Variants in CSMD2 observed in about 807,000 individuals in gnomAD.
CSMD2 encodes CUB and Sushi multiple domains 2, also known as CUB and sushi domain-containing protein 2.
In CSMD2, 130 loss-of-function variants were observed where a neutral mutation model predicts 398.5. That is an observed-to-expected ratio of 0.33 (90% CI 0.28 to 0.38). The LOEUF is 0.38. Ranked by LOEUF, CSMD2 falls within the 10% of genes least tolerant of loss-of-function variation. The pLI, the probability that CSMD2 is intolerant of heterozygous loss-of-function variation, is 1.00. For synonymous variants in CSMD2, 1,828 were observed against 1,908.5 expected (o/e 0.96, Z 1.10); for missense variants, 3,829 against 4,764.9 (o/e 0.80, Z 5.78).
chr1:33,642,447 G>C (rs1013105615), intron 29 of CSMD2, among the ~76,000 whole-genome samples: 1 of 151,970 alleles, frequency 6.6e-6, no homozygotes, highest in African/African-American at 2.4e-5. Flanking sequence ...CAGGAGAATG[G>C]AAAAGCAAGG....
chr1:34,133,828 T>C (rs924437605), intron 1 of CSMD2, among the ~76,000 whole-genome samples: 20 of 151,988 alleles, frequency 1.3e-4, no homozygotes, highest in Middle Eastern at 3.4e-3. Flanking sequence ...CCCAGCACTT[T>C]GGGAGGCCGA....
At chr1:34,112,982 C>A (rs1165772198) in intron 1 of CSMD2, 1 of 152,270 alleles carries the variant, frequency 6.6e-6, no homozygotes, top group East Asian at 1.9e-4. Flanking sequence ...CGTGCCTGAT[C>A]TTGTCTGATC....
intron 4 of CSMD2, among the ~76,000 whole-genome samples, chr1:33,934,469 T>C (rs1222592277): frequency 6.6e-6 from 1 of 152,220 alleles, no homozygotes; most frequent in Non-Finnish European, 1.5e-5. Context: ...TTCAAGATGC[T>C]GGGCTATGTT....
intron 23 of CSMD2, among the ~76,000 whole-genome samples, chr1:33,699,534 C>T (rs1322912172): frequency 6.6e-6 from 1 of 152,192 alleles, no homozygotes; most frequent in Admixed American, 6.5e-5. Context: ...ACAATTTTCA[C>T]ATGATAGAAG....
rs1157726166 is a variant in CSMD2, at chr1:33,624,867, C to A, written c.5500+184G>T. ...CACGTGTGCCCCGTCCCCAGTACAC[C>A]GGCTGTCTTCACACAGCCCACAGCG... On this transcript the variant is annotated intron_variant, in intron 34 of 70. Transcript: ENST00000373381. This position sits in a 1 kb window ranked among gnomAD's most constrained non-coding sequence, Gnocchi z 4.7. Among the ~76,000 whole-genome samples, 1 of 152,176 alleles carries A rather than the reference C, an allele frequency of 6.6e-6. No individual in the cohort carries two copies. The highest frequency in any genetic ancestry group is 2.4e-5 in the African/African-American group (1 of 41,440).
intron 31 of CSMD2, among the ~76,000 whole-genome samples, chr1:33,634,003 C>T (rs1038612984): frequency 3.9e-5 from 6 of 152,162 alleles, no homozygotes; most frequent in Non-Finnish European, 7.4e-5. Flanking sequence ...GCTGTGAGCT[C>T]CTTATCACTG....
chr1:33,794,089 G>A (rs1001845073), intron 10 of CSMD2, among the ~76,000 whole-genome samples: 1 of 152,148 alleles, frequency 6.6e-6, no homozygotes, highest in African/African-American at 2.4e-5. Context: ...TGTGGCTGAC[G>A]CCTTCTGCAG....
chr1:33,685,244 G>A (rs539507524), intron 25 of CSMD2, among the ~76,000 whole-genome samples: 1 of 152,348 alleles, frequency 6.6e-6, no homozygotes, highest in East Asian at 1.9e-4. Context: ...ATGGCTTCCT[G>A]AGCAGCGGTA....
intron 5 of CSMD2, among the ~76,000 whole-genome samples, chr1:33,847,968 C>T (rs1638402575): frequency 6.6e-6 from 1 of 152,194 alleles, no homozygotes; most frequent in Non-Finnish European, 1.5e-5. Flanking sequence ...CTTCTAACAC[C>T]ATACTGGACA....
chr1:33,544,900 C>A (rs1319926647), intron 57 of CSMD2, among the ~76,000 whole-genome samples: 1 of 151,430 alleles, frequency 6.6e-6, no homozygotes, highest in African/African-American at 2.4e-5. Flanking sequence ...TCCCTTGCCA[C>A]TTCTGCCAAT....
chr1:33,929,536 C>A (rs1331856431), intron 4 of CSMD2, among the ~76,000 whole-genome samples: 1 of 149,630 alleles, frequency 6.7e-6, no homozygotes, highest in African/African-American at 2.5e-5. Flanking sequence ...CTCCCGGATT[C>A]AAGAGATTCT....
chr1:33,699,056 T>C (rs1207977255), intron 23 of CSMD2, 112 bp from the exon 24 acceptor site: 1 of 783,140 alleles, frequency 1.3e-6, no homozygotes, highest in Non-Finnish European at 2.0e-6. Flanking sequence ...CCACGGACCC[T>C]GGGTTCTGAT....
At position 33,995,667 on chromosome 1, in the gene CSMD2, A is replaced by C. The variant is rs1460662541; in HGVS notation, c.517+36927T>G. Among the ~76,000 whole-genome samples, 5 of 152,156 alleles carry C rather than the reference A, an allele frequency of 3.3e-5. No homozygotes were observed. The East Asian group carries it at 7.7e-4, about 23-fold the overall frequency. The stretch of plus-strand genomic sequence containing the variant: ...GTCCCCACTTCTGAACCACCCCCTC[A>C]TGAGTTTGTTCAAATTCAGCTTCCA... On this transcript the variant is annotated intron_variant, in intron 3 of 70. Transcript: ENST00000373381.
chr1:33,881,343 A>G (rs1438137396), intron 5 of CSMD2, among the ~76,000 whole-genome samples: 1 of 152,244 alleles, frequency 6.6e-6, no homozygotes, highest in East Asian at 1.9e-4. Context: ...ATTATTAAGT[A>G]TATAAAAACT....
Position 33,614,600 on chromosome 1 carries a change from C to T in CSMD2, c.6037G>A (p.Glu2013Lys), listed in dbSNP as rs776738206. ...LCIAQCGGTV[E>K]EMEGVILSPG... is the part of the protein sequence containing the mutation. ...CTCAGGATCACCCCCTCCATCTCCT[C>T]CACTGTTCCCCCACACTGTGCTGTG... The change falls in exon 40 of 71, where the codon GAG becomes AAG. Residue 2013 changes from glutamate (E) to lysine (K), a missense_variant. Glu to Lys is a moderately conservative substitution (Grantham distance 56). This residue lies in a region of CSMD2 where 2,001 missense variants were observed against 2,567.1 expected (regional missense o/e 0.78). Transcript: ENST00000373381. The T allele has an allele frequency of 4.4e-6, 7 of 1,608,238 alleles. No homozygotes were observed. Among genetic ancestry groups the T allele is most frequent in the Admixed American group, 3.3e-5 (2 of 59,964 alleles).
intron 19 of CSMD2, 136 bp downstream of exon 19, chr1:33,724,061 T>C: frequency 1.5e-6 from 1 of 672,652 alleles, no homozygotes; most frequent in South Asian, 1.8e-5. Flanking sequence ...GGAAGTTTTC[T>C]TGTTGGTGAG....
intron 6 of CSMD2, among the ~76,000 whole-genome samples, chr1:33,841,700 G>A (rs1234323170): frequency 1.3e-5 from 2 of 151,732 alleles, no homozygotes; most frequent in Non-Finnish European, 1.5e-5. Context: ...TTGGCTACAG[G>A]AACTTATCAT....
intron 41 of CSMD2, among the ~76,000 whole-genome samples, chr1:33,606,313 T>C (rs993138271): frequency 2.6e-5 from 4 of 152,222 alleles, no homozygotes; most frequent in African/African-American, 9.6e-5. Context: ...GTGGAAGTAG[T>C]TGGGACTGGA....
intron 1 of CSMD2, among the ~76,000 whole-genome samples, chr1:34,143,240 G>C (rs1002157336): frequency 6.6e-5 from 10 of 152,042 alleles, no homozygotes; most frequent in Non-Finnish European, 8.8e-5. Context: ...CACCTCACGG[G>C]TCCCAGTGCC....
Sources: allele counts gnomAD v4.1 joint callset (sites outside exome capture counted in the v4.1 genomes callset), GRCh38; gene constraint gnomAD v4.1.1; regional missense constraint gnomAD v4.1.1; non-coding constraint Gnocchi (gnomAD v3.1); transcripts MANE v1.5; gene names NCBI Gene and HGNC (gene_info 2026-07-23, HGNC 2026-07-21).